The following PAK3 variants were observed in gnomAD, a reference collection of about 807,000 sequenced individuals.
PAK3 encodes the protein serine/threonine-protein kinase PAK 3.
Under a neutral mutation model 41.0 loss-of-function variants are expected in PAK3, and 4 were observed. The observed-to-expected ratio is 0.10, with a 90% CI of 0.05 to 0.22. The LOEUF (loss-of-function observed/expected upper bound fraction) is 0.22, where lower values mean the gene tolerates loss of function less well. Ranked by LOEUF, PAK3 falls within the 10% of genes least tolerant of loss-of-function variation. The pLI, the probability that PAK3 is intolerant of heterozygous loss-of-function variation, is 1.00. For synonymous variants in PAK3, 146 were observed against 139.6 expected (o/e 1.05, Z -0.32); for missense variants, 205 against 409.9 (o/e 0.50, Z 4.32).
intron 8 of PAK3, among the ~76,000 whole-genome samples, chrX:111,154,872 A>T (rs2094082218): frequency 8.9e-6 from 1 of 111,801 alleles, no homozygotes; most frequent in South Asian, 3.8e-4. Flanking sequence ...GCAAAAAAAA[A>T]ATAGTTATTA....
chrX:110,945,831 C>G (rs1049363985), intron 1 of PAK3, among the ~76,000 whole-genome samples: 2 of 111,889 alleles, frequency 1.8e-5, no homozygotes, highest in Non-Finnish European at 3.8e-5. Context: ...GCTAAACCTT[C>G]TCTTTGACAT....
chrX:111,002,175 C>T (rs750081223), intron 1 of PAK3, among the ~76,000 whole-genome samples: 9 of 111,752 alleles, frequency 8.1e-5, no homozygotes, highest in African/African-American at 1.6e-4. Context: ...GTGCCAGGCA[C>T]TATAATAAAT....
intron 1 of PAK3, among the ~76,000 whole-genome samples, chrX:110,968,153 AC>A (rs1276476489): frequency 8.9e-6 from 1 of 112,719 alleles, no homozygotes; most frequent in African/African-American, 3.2e-5. Context: ...TGTTGCATAT[AC>A]TAGTAGTTCA....
chrX:111,078,918 C>T (rs1209984346), intron 1 of PAK3, among the ~76,000 whole-genome samples: 1 of 112,132 alleles, frequency 8.9e-6, no homozygotes, highest in Non-Finnish European at 1.9e-5. Flanking sequence ...GGTAAAATGT[C>T]AAACCAGCTA....
intron 1 of PAK3, among the ~76,000 whole-genome samples, chrX:110,973,633 A>G (rs2091259932): frequency 8.9e-6 from 1 of 112,263 alleles, no homozygotes; most frequent in Non-Finnish European, 1.9e-5. Flanking sequence ...AAGACCATCA[A>G]TGCTATGAAG....
At chrX:110,950,690 C>G (rs1427829359) in intron 1 of PAK3, among the ~76,000 whole-genome samples, 1 of 111,683 alleles carries the variant, frequency 9.0e-6, no homozygotes, top group Non-Finnish European at 1.9e-5. Flanking sequence ...TCTCTTTAAT[C>G]CAACCTTTGT....
At chrX:111,127,988 T>C (rs1968712516) in intron 5 of PAK3, among the ~76,000 whole-genome samples, 1 of 112,164 alleles carries the variant, frequency 8.9e-6, no homozygotes, top group African/African-American at 3.2e-5. Flanking sequence ...GAAAAAACAA[T>C]GAGGCAAATG....
At chrX:111,037,573 A>G (rs1470606582) in intron 1 of PAK3, among the ~76,000 whole-genome samples, 1 of 111,639 alleles carries the variant, frequency 9.0e-6, no homozygotes, top group Non-Finnish European at 1.9e-5. Context: ...CTGGCAAGAA[A>G]CTAAATCGAG....
At chrX:110,978,006 G>A (rs768452312) in intron 1 of PAK3, among the ~76,000 whole-genome samples, 2 of 112,102 alleles carry the variant, frequency 1.8e-5, no homozygotes, top group South Asian at 7.4e-4. Flanking sequence ...TAATTATGAC[G>A]TTAGCTGTGG....
At chrX:110,969,528 C>A (rs1459935456) in intron 1 of PAK3, among the ~76,000 whole-genome samples, 4 of 104,231 alleles carry the variant, frequency 3.8e-5, no homozygotes, top group African/African-American at 1.1e-4. Context: ...CTCAAACTTC[C>A]GACCTCAGGT....
At chrX:111,041,182 T>A (rs1300941158) in intron 1 of PAK3, among the ~76,000 whole-genome samples, 1 of 112,749 alleles carries the variant, frequency 8.9e-6, no homozygotes, top group Non-Finnish European at 1.9e-5. Flanking sequence ...AATGAAGCAA[T>A]GGTTTCTATG....
chrX:111,025,043 A>G (rs953645757), intron 1 of PAK3, among the ~76,000 whole-genome samples: 9 of 111,569 alleles, frequency 8.1e-5, no homozygotes, highest in African/African-American at 2.9e-4. Context: ...GTAGTCCTGA[A>G]TGATCCTTGG....
At chrX:110,953,689 A>G (rs2090792148) in intron 1 of PAK3, among the ~76,000 whole-genome samples, 1 of 111,746 alleles carries the variant, frequency 8.9e-6, no homozygotes, top group African/African-American at 3.3e-5. Context: ...GTCACCTAGG[A>G]GCTCTGGCTT....
intron 1 of PAK3, among the ~76,000 whole-genome samples, chrX:111,001,679 A>G (rs2091851223): frequency 8.9e-6 from 1 of 112,327 alleles, no homozygotes; most frequent in Non-Finnish European, 1.9e-5. Context: ...TGCATGCACT[A>G]AACAGTATGC....
intron 17 of PAK3, chrX:111,217,022 C>T: frequency 1.3e-6 from 1 of 753,112 alleles, no homozygotes; most frequent in Non-Finnish European, 1.6e-6. Flanking sequence ...GGGTGAGTAC[C>T]ATCCAGTGGT....
At chrX:110,989,813 T>C (rs1429362487) in intron 1 of PAK3, among the ~76,000 whole-genome samples, 1 of 111,419 alleles carries the variant, frequency 9.0e-6, no homozygotes, top group African/African-American at 3.3e-5. Context: ...CTGCTGAGGG[T>C]TGAGTTAATC....
chrX:111,140,931 C>T (rs1016059906), intron 5 of PAK3, among the ~76,000 whole-genome samples: 11 of 111,716 alleles, frequency 9.8e-5, no homozygotes, highest in Non-Finnish European at 1.7e-4. Flanking sequence ...AATCCATATA[C>T]GGTTGAATGT....
chrX:111,090,605 A>G (rs746781282), intron 1 of PAK3, among the ~76,000 whole-genome samples: 1 of 111,519 alleles, frequency 9.0e-6, no homozygotes, highest in Admixed American at 9.5e-5. Context: ...TATCAGGAGC[A>G]GACACTGCCC....
chrX:111,058,166 G>A (rs931329469), intron 1 of PAK3, among the ~76,000 whole-genome samples: 4 of 111,809 alleles, frequency 3.6e-5, no homozygotes, highest in Non-Finnish European at 5.6e-5. Flanking sequence ...TTGTGTGGGC[G>A]TGTGTTTTCA....
Sources: allele counts gnomAD v4.1 joint callset (sites outside exome capture counted in the v4.1 genomes callset), GRCh38; gene constraint gnomAD v4.1.1; transcripts MANE v1.5; gene names NCBI Gene and HGNC (gene_info 2026-07-23, HGNC 2026-07-21).